The following IGF1R variants were observed in gnomAD, a reference collection of about 807,000 sequenced individuals.
IGF1R encodes the protein insulin like growth factor 1 receptor.
Under a neutral mutation model 144.6 loss-of-function variants are expected in IGF1R, and 44 were observed. That is an observed-to-expected ratio of 0.30 (90% CI 0.24 to 0.39). The LOEUF (loss-of-function observed/expected upper bound fraction) is 0.39. Among genes scored for constraint, IGF1R ranks in the 10% least tolerant of loss-of-function variants. The pLI is 1.00. For synonymous variants in IGF1R, 795 were observed against 722.8 expected (o/e 1.10, Z -1.60); for missense variants, 1,355 against 1,833.7 (o/e 0.74, Z 4.77).
intron 8 of IGF1R, 34 bp from the exon 9 acceptor site, chr15:98,915,930 C>T (rs375486630): frequency 6.2e-7 from 1 of 1,608,376 alleles, no homozygotes; most frequent in Non-Finnish European, 8.5e-7. Flanking sequence ...AAGTTCATTT[C>T]ATTTTCTAGA....
At chr15:98,695,939 A>T (rs1267471491) in intron 1 of IGF1R, among the ~76,000 whole-genome samples, 2 of 150,698 alleles carry the variant, frequency 1.3e-5, no homozygotes, top group African/African-American at 4.9e-5. Flanking sequence ...TAATGTGTGG[A>T]GGCAGAAACC....
At chr15:98,821,752 G>A (rs969514783) in intron 2 of IGF1R, among the ~76,000 whole-genome samples, 15 of 152,166 alleles carry the variant, frequency 9.9e-5, no homozygotes, top group Admixed American at 1.3e-4. Context: ...ATATCTGCAA[G>A]GATCTTCAGG....
chr15:98,896,981 C>T, intron 4 of IGF1R, 76 bp downstream of exon 4: 1 of 1,394,764 alleles, frequency 7.2e-7, no homozygotes, highest in Non-Finnish European at 1.0e-6. Flanking sequence ...TGCTCCCGTC[C>T]CTGAGTCACC....
chr15:98,822,709 G>A (rs1286251178), intron 2 of IGF1R, among the ~76,000 whole-genome samples: 1 of 152,180 alleles, frequency 6.6e-6, no homozygotes, highest in South Asian at 2.1e-4. Context: ...CCTGGTAACT[G>A]ACTGTATGGA....
rs193252900 is a variant in IGF1R, at chr15:98,743,895, G to C, written c.640+35788G>C. ...TTGGCCAGGCCTGTGTTGGGGGTGGGCTTGTGAGCAGGATATCAAAGATAA... is the reference window on the plus strand; with the variant it reads ...TTGGCCAGGCCTGTGTTGGGGGTGGCCTTGTGAGCAGGATATCAAAGATAA... On this transcript the variant is annotated intron_variant, in intron 2 of 20. Transcript: ENST00000650285. Among the ~76,000 whole-genome samples the C allele has an allele frequency of 1.2e-4, 18 of 152,254 alleles. No individual in the cohort carries two copies. In the East Asian group the frequency reaches 3.5e-3, roughly 29 times the overall value.
chr15:98,918,197 A>G (rs1057199734), intron 10 of IGF1R, among the ~76,000 whole-genome samples: 2 of 152,152 alleles, frequency 1.3e-5, no homozygotes, highest in Admixed American at 6.5e-5. Context: ...AAACTAGGCC[A>G]AGGAGTTGGA....
At chr15:98,697,701 A>G (rs2053626279) in intron 1 of IGF1R, among the ~76,000 whole-genome samples, 1 of 74,190 alleles carries the variant, frequency 1.3e-5, no homozygotes, top group Non-Finnish European at 2.5e-5. Flanking sequence ...CTCTATACTT[A>G]AATTGTGGTG....
At position 98,898,043 on chromosome 15, in the gene IGF1R, T is replaced by C. The variant is rs371617129; in HGVS notation, c.1102+1138T>C. On this transcript the variant is annotated intron_variant, in intron 4 of 20. Transcript: ENST00000650285. ...GGTTTAGAAAGGACAGAAACAAGTT[T>C]GTGCTTAGTTCTTCTGAATTAGTTG... Among the ~76,000 whole-genome samples the C allele has an allele frequency of 3.1e-4, 47 of 152,306 alleles. No individual in the cohort carries two copies. In the South Asian group the frequency reaches 8.1e-3, roughly 26 times the overall value.
At chr15:98,853,792 G>A (rs2011640982) in intron 2 of IGF1R, among the ~76,000 whole-genome samples, 1 of 152,202 alleles carries the variant, frequency 6.6e-6, no homozygotes, top group Non-Finnish European at 1.5e-5. Context: ...TTTCAGTGAT[G>A]GGGCACTTGG....
chr15:98,884,339 A>G (rs1029222069), intron 2 of IGF1R, among the ~76,000 whole-genome samples: 1 of 152,132 alleles, frequency 6.6e-6, no homozygotes, highest in Admixed American at 6.5e-5. Flanking sequence ...TTCCGTTTGG[A>G]TGTGTACACA....
chr15:98,881,234 TC>T (rs1168375134), intron 2 of IGF1R, among the ~76,000 whole-genome samples: 1 of 152,224 alleles, frequency 6.6e-6, no homozygotes, highest in East Asian at 1.9e-4. Context: ...CTGTATTTCT[TC>T]CTGATGGATA....
intron 2 of IGF1R, among the ~76,000 whole-genome samples, chr15:98,826,675 G>A (rs2056899983): frequency 1.3e-5 from 2 of 152,154 alleles, no homozygotes; most frequent in Admixed American, 6.5e-5. Flanking sequence ...GAGTACATTT[G>A]TATCTCTTTT....
intron 20 of IGF1R, among the ~76,000 whole-genome samples, chr15:98,953,485 G>A (rs1287432233): frequency 6.6e-6 from 1 of 152,170 alleles, no homozygotes; most frequent in East Asian, 1.9e-4. Context: ...GAGCTCCTCT[G>A]GGTGCGTGCT....
intron 2 of IGF1R, among the ~76,000 whole-genome samples, chr15:98,791,108 G>C (rs2056118109): frequency 6.6e-6 from 1 of 152,122 alleles, no homozygotes. Flanking sequence ...GATGATGATG[G>C]GTTGTTGGTT....
At chr15:98,775,188 A>T (rs969114946) in intron 2 of IGF1R, among the ~76,000 whole-genome samples, 6 of 152,202 alleles carry the variant, frequency 3.9e-5, no homozygotes, top group Non-Finnish European at 8.8e-5. Context: ...GGTCAGGCCA[A>T]GTCCTCCCTG....
intron 15 of IGF1R, among the ~76,000 whole-genome samples, chr15:98,933,111 G>A (rs1438302092): frequency 1.3e-5 from 2 of 152,190 alleles, no homozygotes; most frequent in African/African-American, 4.8e-5. Context: ...TCAGTGTGTG[G>A]TAGAGCCTGG....
At chr15:98,652,783 G>C (rs1360777762) in intron 1 of IGF1R, among the ~76,000 whole-genome samples, 1 of 152,200 alleles carries the variant, frequency 6.6e-6, no homozygotes, top group African/African-American at 2.4e-5. Context: ...GTGACTGCTG[G>C]TGGGCACAGG....
intron 2 of IGF1R, among the ~76,000 whole-genome samples, chr15:98,841,271 A>T (rs931504364): frequency 2.0e-5 from 3 of 152,232 alleles, no homozygotes; most frequent in African/African-American, 7.2e-5. Flanking sequence ...ACAAAAAAAA[A>T]TACTGATTGG....
intron 2 of IGF1R, among the ~76,000 whole-genome samples, chr15:98,863,093 T>C (rs2012246847): frequency 6.6e-6 from 1 of 152,348 alleles, no homozygotes; most frequent in Non-Finnish European, 1.5e-5. Flanking sequence ...TTTCCTGGGT[T>C]TTCTTTAGTC....
Sources: allele counts gnomAD v4.1 joint callset (sites outside exome capture counted in the v4.1 genomes callset), GRCh38; gene constraint gnomAD v4.1.1; transcripts MANE v1.5; gene names NCBI Gene and HGNC (gene_info 2026-07-23, HGNC 2026-07-21).